The following DAB1 variants were observed in gnomAD, a reference collection of about 807,000 sequenced individuals.
DAB1 encodes the protein DAB adaptor protein 1.
Under a neutral mutation model 64.6 loss-of-function variants are expected in DAB1, and 15 were observed. That is an observed-to-expected ratio of 0.23 (90% CI 0.16 to 0.36). DAB1 has a LOEUF of 0.36. DAB1 is among the 10% of genes least tolerant of loss of function. The pLI is 1.00. For missense variants in DAB1, 596 were observed against 706.7 expected (o/e 0.84, Z 1.78); for synonymous variants, 235 against 251.9 (o/e 0.93, Z 0.64).
At chr1:57,820,529 T>C (rs567315878) in intron 6 of DAB1, among the ~76,000 whole-genome samples, 1 of 152,332 alleles carries the variant, frequency 6.6e-6, no homozygotes, top group South Asian at 2.1e-4. Context: ...TAACTCTACC[T>C]CTATTTAAAA....
intron 4 of DAB1, among the ~76,000 whole-genome samples, chr1:57,086,397 C>T (rs1298558651): frequency 3.3e-5 from 5 of 152,100 alleles, no homozygotes; most frequent in South Asian, 2.1e-4. Flanking sequence ...ACCTGGCTCT[C>T]CCTGCTGGAG....
intron 4 of DAB1, 93 bp from the exon 5 acceptor site, chr1:57,072,507 G>T: frequency 7.9e-6 from 11 of 1,386,812 alleles, no homozygotes; most frequent in Non-Finnish European, 9.9e-6. Flanking sequence ...CGTGTGAACA[G>T]GCCCGAAGGG....
chr1:57,780,575 G>T (rs1041863364), intron 6 of DAB1, among the ~76,000 whole-genome samples: 1 of 123,270 alleles, frequency 8.1e-6, no homozygotes, highest in African/African-American at 2.7e-5. Flanking sequence ...TTGAAAAGTG[G>T]AAGACAAAAA....
chr1:58,447,842 TA>T (rs1372082023), intron 3 of DAB1, among the ~76,000 whole-genome samples: 1 of 90,396 alleles, frequency 1.1e-5, no homozygotes, highest in Non-Finnish European at 2.2e-5. Context: ...TTAACTCAAC[TA>T]AAAATGACTT....
intron 4 of DAB1, among the ~76,000 whole-genome samples, chr1:58,315,464 A>T (rs1485568593): frequency 6.6e-6 from 1 of 152,174 alleles, no homozygotes; most frequent in Admixed American, 6.5e-5. Flanking sequence ...TTTATCCAAC[A>T]AACATTCCCT....
intron 4 of DAB1, among the ~76,000 whole-genome samples, chr1:57,099,792 G>A (rs2100687679): frequency 6.6e-6 from 1 of 152,310 alleles, no homozygotes; most frequent in East Asian, 1.9e-4. Flanking sequence ...GCCATGGAAG[G>A]TTGGATTAAA....
chr1:57,915,652 C>G (rs539004943), intron 5 of DAB1, among the ~76,000 whole-genome samples: 1 of 152,134 alleles, frequency 6.6e-6, no homozygotes, highest in Non-Finnish European at 1.5e-5. Context: ...TTAGAAAAAG[C>G]CCCACTCAGG....
At chr1:57,919,161 G>A (rs1569992598) in intron 5 of DAB1, among the ~76,000 whole-genome samples, 1 of 152,116 alleles carries the variant, frequency 6.6e-6, no homozygotes, top group East Asian at 1.9e-4. Context: ...TGGAAATTGT[G>A]GTAAAACCAC....
chr1:58,489,590 A>G (rs1284367218), intron 3 of DAB1, among the ~76,000 whole-genome samples: 1 of 152,200 alleles, frequency 6.6e-6, no homozygotes, highest in Non-Finnish European at 1.5e-5. Context: ...CTTAGAAGAG[A>G]GTAGTGGTTC....
intron 2 of DAB1, among the ~76,000 whole-genome samples, chr1:57,262,428 G>C (rs1019652859): frequency 1.3e-5 from 2 of 152,180 alleles, no homozygotes; most frequent in African/African-American, 4.8e-5. Context: ...AGGGCCTAAG[G>C]CCTGTGCTCC....
chr1:58,518,223 G>GGGAAGAC (rs1646189929), intron 2 of DAB1, among the ~76,000 whole-genome samples: 1 of 2,774 alleles, frequency 3.6e-4, no homozygotes, highest in African/African-American at 1.5e-3. Context: ...AGAGGGGAGA[G>GGGAAGAC]GGGAGAGGGG....
intron 5 of DAB1, among the ~76,000 whole-genome samples, chr1:57,942,050 C>T (rs1367826129): frequency 6.6e-6 from 1 of 152,064 alleles, no homozygotes; most frequent in Admixed American, 6.6e-5. Flanking sequence ...GTAGATGGGG[C>T]AAGAAAGTGG....
At chr1:57,643,114 G>A (rs1646150742) in intron 7 of DAB1, among the ~76,000 whole-genome samples, 1 of 152,194 alleles carries the variant, frequency 6.6e-6, no homozygotes, top group African/African-American at 2.4e-5. Context: ...GATTTCAGCT[G>A]TCACCTTTTA....
At chr1:57,021,241 TG>T (rs1480546881) in intron 11 of DAB1, among the ~76,000 whole-genome samples, 1 of 152,204 alleles carries the variant, frequency 6.6e-6, no homozygotes, top group Non-Finnish European at 1.5e-5. Flanking sequence ...TATGTGGAAG[TG>T]GCTTGTCCAT....
At chr1:58,132,613 T>C (rs969438780) in intron 5 of DAB1, among the ~76,000 whole-genome samples, 3 of 152,166 alleles carry the variant, frequency 2.0e-5, no homozygotes, top group African/African-American at 7.2e-5. Flanking sequence ...CTGCCACCCC[T>C]GAAGGAGCTG....
chr1:57,167,314 A>G (rs1398915054), intron 2 of DAB1, among the ~76,000 whole-genome samples: 3 of 152,272 alleles, frequency 2.0e-5, no homozygotes, highest in Admixed American at 6.5e-5. Context: ...ATTTACTCCA[A>G]TAGTTCTTTC....
At chr1:58,342,394 T>C (rs896843082) in intron 4 of DAB1, among the ~76,000 whole-genome samples, 7 of 152,198 alleles carry the variant, frequency 4.6e-5, no homozygotes, top group African/African-American at 1.4e-4. Context: ...TTACCATCAA[T>C]AGGCAATGCC....
At chr1:57,259,261 A>G (rs1306291713) in intron 2 of DAB1, among the ~76,000 whole-genome samples, 1 of 152,180 alleles carries the variant, frequency 6.6e-6, no homozygotes, top group African/African-American at 2.4e-5. Context: ...ACACAGGCAC[A>G]GCCCTTGTCC....
chr1:57,680,701 G>A (rs1415917002), intron 6 of DAB1, among the ~76,000 whole-genome samples: 1 of 152,146 alleles, frequency 6.6e-6, no homozygotes, highest in Non-Finnish European at 1.5e-5. Flanking sequence ...CAGCTGTTGG[G>A]ATTCTTCATT....
Sources: gnomAD v4.1 joint callset for allele counts (sites outside exome capture counted in the v4.1 genomes callset) on GRCh38, gnomAD v4.1.1 for gene constraint, MANE v1.5 for transcripts, NCBI Gene and HGNC (gene_info 2026-07-23, HGNC 2026-07-21) for gene names.